CDH24: variants seen among roughly 807,000 people sequenced by gnomAD.
The protein encoded by CDH24 is cadherin-24.
In CDH24, 61 loss-of-function variants were observed where a neutral mutation model predicts 71.2. That is an observed-to-expected ratio of 0.86 (90% CI 0.70 to 1.06). The LOEUF is 1.06. CDH24 is among the 50% of genes least tolerant of loss of function. CDH24 has a pLI of 0.00. For missense variants in CDH24, 961 were observed against 1,083.7 expected (o/e 0.89, Z 1.59); for synonymous variants, 440 against 470.2 (o/e 0.94, Z 0.83).
At position 23,055,784 on chromosome 14, in the gene CDH24, G is replaced by A; in HGVS notation, c.-51C>T. The A allele has an allele frequency of 2.0e-6, 3 of 1,464,198 alleles. No individual in the cohort carries two copies. The highest frequency in any genetic ancestry group is 2.5e-4 in the Middle Eastern group (1 of 3,984). The allele number at this position is 1,464,198 out of a possible 1,614,324, so 90.7% of individuals were successfully genotyped here. ...TCACTGGCCCTGGGTGCTGAGGCTG[G>A]GCCAGGCCACGTGGCCCATGAGCTG... On this transcript the variant is annotated 5_prime_UTR_variant, in exon 2 of 13. Coordinates refer to ENST00000487137, the MANE Select transcript of CDH24 (RefSeq NM_144985.4). The surrounding 1 kb of genome is among the most constrained non-coding windows in gnomAD (Gnocchi z 4.1).
At chr14:23,050,043 G>A (rs1037902478) in intron 8 of CDH24, 100 bp from the exon 9 acceptor site, 8 of 1,484,678 alleles carry the variant, frequency 5.4e-6, no homozygotes, top group East Asian at 2.3e-5. Context: ...GAAGCATATA[G>A]CATGCACAAG....
chr14:23,050,605 G>C (rs2047079267), intron 8 of CDH24, among the ~76,000 whole-genome samples: 1 of 151,946 alleles, frequency 6.6e-6, no homozygotes, highest in Non-Finnish European at 1.5e-5. Context: ...GGTGCTGCAT[G>C]ATCTACAGGG....
At position 23,049,836 on chromosome 14, in the gene CDH24, C is replaced by T. The variant is rs1178956830; in HGVS notation, c.1471G>A (p.Ala491Thr). 1.2e-6 allele frequency: 2 copies of T among 1,613,888 alleles called. No individual in the cohort carries two copies. The highest frequency in any genetic ancestry group is 1.7e-6 in the Non-Finnish European group (2 of 1,179,978). The change falls in exon 9 of 13, where the codon GCA (alanine) becomes ACA (threonine). Residue 491 changes from alanine to threonine, a missense_variant. By Grantham distance (58) the Ala-to-Thr change is moderately conservative (BLOSUM62 0). Coordinates refer to ENST00000487137, the MANE Select transcript of CDH24 (RefSeq NM_144985.4). ...CAGTTGCTCACCTGGCCAGGAGCTG[C>T]AGAGTCACACACAAAAGTATCGTAG... ...EPYDTFVCDSAAPGQLIQVIR... is the reference protein window; with the variant it reads ...EPYDTFVCDSTAPGQLIQVIR...
In CDH24 at chr14:23,055,166, AG is replaced by A; in HGVS notation, c.388del (p.Leu130TrpfsTer40). ...QAVDRASNRP[L>X]EPPSEFIIKV... is the part of the protein sequence containing the mutation. ...GATGATGAACTCTGATGGGGGCTCC[AG>A]GGGCCGGTTGGAGGCTCGGTCCACG... On this transcript the variant is annotated frameshift_variant, in exon 3 of 13. Transcript: ENST00000487137. LOFTEE classifies it high-confidence loss of function. The surrounding 1 kb of genome is among the most constrained non-coding windows in gnomAD (Gnocchi z 4.1). 1 of 1,614,172 alleles carries A rather than the reference AG, an allele frequency of 6.2e-7. No individual in the cohort carries two copies.
In CDH24 at chr14:23,049,739, C is replaced by G; in HGVS notation, c.1486-1G>C. On this transcript the variant is annotated splice_acceptor_variant, in intron 9 of 12. Transcript: ENST00000487137. LOFTEE classifies it high-confidence loss of function. ...CCAGGGCCCGGATGACCTGAATCAG[C>G]TGGGAGGAAGAAGAGAGAGGCCTTG... 6.2e-7 allele frequency: 1 copy of G among 1,611,544 alleles called. No individual in the cohort carries two copies. Among genetic ancestry groups the G allele is most frequent in the Admixed American group, 1.7e-5 (1 of 59,840 alleles).
At position 23,047,579 on chromosome 14, in the gene CDH24, G is replaced by T; in HGVS notation, c.*401C>A. The T allele has an allele frequency of 6.1e-6, 1 of 164,192 alleles. No homozygotes were observed. The allele number at this position is 164,192 out of a possible 1,614,324, so 10.2% of individuals were successfully genotyped here. On this transcript the variant is annotated 3_prime_UTR_variant, in exon 12 of 13. Transcript: ENST00000487137. ...GTCACAGGGACCCAGAGAGAAGGAA[G>T]GGAGATGTGGGCAGGAGACAGACAC...
chr14:23,051,896 C>T lies in CDH24; in HGVS notation c.1363+577G>A. 1.2e-6 allele frequency: 1 copy of T among 846,252 alleles called. No homozygotes were observed. Among genetic ancestry groups the T allele is most frequent in the Non-Finnish European group, 1.8e-6 (1 of 543,988 alleles). The allele number at this position is 846,252 out of a possible 1,614,324, so 52.4% of individuals were successfully genotyped here. ...TGCCCAGAGGCAGCTGAACCCGCTG[C>T]TGGCCTGACTGATGGGGGAGACCGC... On this transcript the variant is annotated intron_variant, in intron 8 of 12. Transcript: ENST00000487137. This position sits in a 1 kb window ranked among gnomAD's most constrained non-coding sequence, Gnocchi z 4.4.
chr14:23,049,624 T>G lies in CDH24; in HGVS notation c.1597+3A>C. 6.6e-7 allele frequency: 1 copy of G among 1,521,322 alleles called. No homozygotes were observed. The highest frequency in any genetic ancestry group is 8.9e-7 in the Non-Finnish European group (1 of 1,122,248). The allele number at this position is 1,521,322 out of a possible 1,614,324, so 94.2% of individuals were successfully genotyped here. A position where few individuals can be genotyped will look rare whatever the true frequency, so the allele number is the denominator to read the frequency against. On this transcript the variant is annotated splice_donor_region_variant and intron_variant, in intron 10 of 12. Transcript: ENST00000487137. ...ATGGACATGGCTGTAGGAGGCCACC[T>G]ACCTCGGTTGTCCTGGACAGTAAAG...
Position 23,056,811 on chromosome 14 carries a change from C to A in CDH24, c.-125+592G>T, listed in dbSNP as rs987662557. Among the ~76,000 whole-genome samples the A allele has an allele frequency of 3.3e-5, 5 of 151,866 alleles. No homozygotes were observed. In the East Asian group the frequency reaches 9.7e-4, roughly 29 times the overall value. On this transcript the variant is annotated intron_variant, in intron 1 of 12. Coordinates refer to ENST00000487137, the MANE Select transcript of CDH24 (RefSeq NM_144985.4). ...CGGGAAGGGAGCTAGAGAGGAGACC[C>A]TTCCCACTGCTCTCCTTTCTCCTAG...
chr14:23,057,480 C>G lies in CDH24; in HGVS notation c.-202G>C, dbSNP rs553565097. 2 of 151,968 alleles carry G rather than the reference C, an allele frequency of 1.3e-5. No individual in the cohort carries two copies. Among genetic ancestry groups the G allele is most frequent in the African/African-American group, 2.4e-5 (1 of 41,406 alleles). The allele number at this position is 151,968 out of a possible 1,614,324, so 9.4% of individuals were successfully genotyped here. The stretch of plus-strand genomic sequence containing the variant: ...TCGCCGGGTCCCGGGGGCACAGCCC[C>G]GAGCCGATTGGAGCGGGCGCCGCGG... On this transcript the variant is annotated 5_prime_UTR_variant, in exon 1 of 13. Coordinates refer to ENST00000487137, the MANE Select transcript of CDH24 (RefSeq NM_144985.4). The surrounding 1 kb of genome is among the most constrained non-coding windows in gnomAD (Gnocchi z 5.4).
In CDH24 at chr14:23,054,755, G is replaced by A; in HGVS notation, c.608C>T (p.Pro203Leu). The A allele has an allele frequency of 6.2e-7, 1 of 1,614,140 alleles. No individual in the cohort carries two copies. The highest frequency in any genetic ancestry group is 8.5e-7 in the Non-Finnish European group (1 of 1,180,018). ...LDGLPFFSVD[P>L]QTGVVRTAIP... ...CCAGGCTCCATCCTCACCAGTCTGG[G>A]GGTCCACAGAGAAGAAAGGCAGTCC... The change falls in exon 4 of 13, where the codon CCC (proline) becomes CTC (leucine). Residue 203 changes from proline to leucine, a missense_variant. Pro to Leu is a moderately conservative substitution (Grantham distance 98, BLOSUM62 -3). Transcript: ENST00000487137. The surrounding 1 kb of genome is among the most constrained non-coding windows in gnomAD (Gnocchi z 5.2).
rs774323762 is a variant in CDH24, at chr14:23,053,672, C to T, written c.1050G>A (p.Leu350=). The T allele has an allele frequency of 9.3e-6, 15 of 1,613,992 alleles. No homozygotes were observed. The highest frequency in any genetic ancestry group is 3.3e-4 in the Middle Eastern group (2 of 6,058). Reference sequence around the variant, plus strand: ...CCACATCCTTGAAGGGCCCTCGCCGCAGATAGGCTGGGTCAATGAGCGTGT... The same window carrying T: ...CCACATCCTTGAAGGGCCCTCGCCGTAGATAGGCTGGGTCAATGAGCGTGT... ...ATNTLIDPAY[L]RRGPFKDVAS... Residue 350 remains leucine, a synonymous_variant, in exon 7 of 13, where the codon CTG becomes CTA. Coordinates refer to ENST00000487137, the MANE Select transcript of CDH24 (RefSeq NM_144985.4).
chr14:23,049,580 GA>G (rs1566721869), intron 10 of CDH24, 46 bp downstream of exon 10: 1 of 1,140,186 alleles, frequency 8.8e-7, no homozygotes, highest in Non-Finnish European at 1.3e-6. Context: ...AGGAGGAGGA[GA>G]AGGGGACAGA....
Position 23,055,812 on chromosome 14 carries a change from TG to T in CDH24, c.-80del. ...CAGGCCACGTGGCCCATGAGCTGGC[TG>T]GGGTGGAGGGGCAGATGCGTTGAGG... On this transcript the variant is annotated 5_prime_UTR_variant, in exon 2 of 13. Transcript: ENST00000487137. This position sits in a 1 kb window ranked among gnomAD's most constrained non-coding sequence, Gnocchi z 4.1. 3 of 1,287,256 alleles carry T rather than the reference TG, an allele frequency of 2.3e-6. No homozygotes were observed. Among genetic ancestry groups the T allele is most frequent in the Non-Finnish European group, 2.1e-6 (2 of 952,788 alleles). 79.7% of individuals were successfully genotyped at this position (1,287,256 alleles called of 1,614,324 possible). A position where few individuals can be genotyped will look rare whatever the true frequency, so the allele number is the denominator to read the frequency against.
chr14:23,049,866 C>G lies in CDH24; in HGVS notation c.1441G>C (p.Glu481Gln), dbSNP rs958828514. The change falls in exon 9 of 13, where the codon GAG (glutamate) becomes CAG (glutamine). Residue 481 changes from glutamate (E) to glutamine (Q), a missense_variant. Glu to Gln is a conservative substitution (Grantham distance 29). This residue lies in a region of CDH24 where 671 missense variants were observed against 810.9 expected (regional missense o/e 0.83). Transcript: ENST00000487137. ...DENDNAPQLAEPYDTFVCDSA... is the reference protein window; with the variant it reads ...DENDNAPQLAQPYDTFVCDSA... ...TCACACACAAAAGTATCGTAGGGCT[C>G]AGCCAGCTGGGGAGCATTGTCATTC... The G allele has an allele frequency of 1.2e-6, 2 of 1,613,932 alleles. No individual in the cohort carries two copies. The highest frequency in any genetic ancestry group is 2.7e-5 in the African/African-American group (2 of 74,874).
Position 23,047,738 on chromosome 14 carries a change from A to G in CDH24, c.*242T>C, listed in dbSNP as rs1166519658. The G allele has an allele frequency of 3.3e-5, 11 of 337,434 alleles. No individual in the cohort carries two copies. In the East Asian group the frequency reaches 5.1e-4, roughly 15 times the overall value. The allele number at this position is 337,434 out of a possible 1,614,324, so 20.9% of individuals were successfully genotyped here. On this transcript the variant is annotated 3_prime_UTR_variant, in exon 12 of 13. Transcript: ENST00000487137. ...GGGCCAGGGCCAGGGCAGGAAACCC[A>G]GGCCCGGACAGAGGAGCGTGTCACA...
Position 23,049,934 on chromosome 14 carries a change from G to A in CDH24, c.1373C>T (p.Ala458Val), listed in dbSNP as rs2047072792. 2 of 1,613,418 alleles carry A rather than the reference G, an allele frequency of 1.2e-6. No individual in the cohort carries two copies. The highest frequency in any genetic ancestry group is 2.7e-5 in the African/African-American group (2 of 74,924). The change falls in exon 9 of 13, where the codon GCA becomes GTA. Residue 458 changes from alanine (A) to valine (V), a missense_variant. Around this residue, in one of 2 missense-constraint regions of CDH24, gnomAD observed 671 missense variants for 810.9 expected, o/e 0.83. Coordinates refer to ENST00000487137, the MANE Select transcript of CDH24 (RefSeq NM_144985.4). Reference sequence around the variant, plus strand: ...GGCCACTTGCACGCGCGAGGCCTGTGCAGAACTGTCTGAAGGCAGAACACC... The same window carrying A: ...GGCCACTTGCACGCGCGAGGCCTGTACAGAACTGTCTGAAGGCAGAACACC... The part of the protein sequence containing the change: ...TVLATELDSS[A>V]QASRVQVAIQ...
chr14:23,049,611 G>T lies in CDH24; in HGVS notation c.1597+16C>A. 2 of 1,435,462 alleles carry T rather than the reference G, an allele frequency of 1.4e-6. No individual in the cohort carries two copies. The highest frequency in any genetic ancestry group is 1.9e-6 in the Non-Finnish European group (2 of 1,046,846). The allele number at this position is 1,435,462 out of a possible 1,614,324, so 88.9% of individuals were successfully genotyped here. On this transcript the variant is annotated intron_variant, in intron 10 of 12. Coordinates refer to ENST00000487137, the MANE Select transcript of CDH24 (RefSeq NM_144985.4). ...GACAGAGGCAGGTATGGACATGGCTGTAGGAGGCCACCTACCTCGGTTGTC... is the reference window on the plus strand; with the variant it reads ...GACAGAGGCAGGTATGGACATGGCTTTAGGAGGCCACCTACCTCGGTTGTC...
intron 7 of CDH24, among the ~76,000 whole-genome samples, 173 bp downstream of exon 7, chr14:23,053,319 AGGCC>A (rs1399756274): frequency 6.6e-6 from 1 of 152,200 alleles, no homozygotes; most frequent in Non-Finnish European, 1.5e-5. Flanking sequence ...GTGGTCAGCC[AGGCC>A]CTCCGGCTCT....
Sources: gnomAD v4.1 joint callset for allele counts (sites outside exome capture counted in the v4.1 genomes callset) on GRCh38, gnomAD v4.1.1 for gene constraint, gnomAD v4.1.1 regional missense constraint, Gnocchi (gnomAD v3.1) non-coding constraint, MANE v1.5 for transcripts, NCBI Gene and HGNC (gene_info 2026-07-23, HGNC 2026-07-21) for gene names.